Variants in EPB41L5 observed in about 807,000 individuals in gnomAD.
The protein encoded by EPB41L5 is erythrocyte membrane protein band 4.1 like 5.
EPB41L5 carries 55 observed loss-of-function variants against 106.6 expected under a neutral mutation model. The ratio of observed to expected loss-of-function variants is 0.52; its 90% confidence interval spans 0.42 to 0.65. The LOEUF (loss-of-function observed/expected upper bound fraction) is 0.65, where lower values mean the gene tolerates loss of function less well. Among genes scored for constraint, EPB41L5 ranks in the 30% least tolerant of loss-of-function variants. The pLI, the probability that EPB41L5 is intolerant of heterozygous loss-of-function variation, is 0.00. For missense variants in EPB41L5, 871 were observed against 882.1 expected, an observed-to-expected ratio of 0.99 and a Z score of 0.16; for synonymous variants, 297 against 306.7, an observed-to-expected ratio of 0.97 and a Z score of 0.33.
In EPB41L5 at chr2:120,146,799, C is replaced by T. The variant is rs138258679; in HGVS notation, c.1793+510C>T. Reference sequence around the variant, plus strand: ...TTATGGCCATTGACTTTCTTCACCACTGTGAATCTAATGTTCTGTGCTTAG... The same window carrying T: ...TTATGGCCATTGACTTTCTTCACCATTGTGAATCTAATGTTCTGTGCTTAG... On this transcript the variant is annotated intron_variant, in intron 20 of 24. Coordinates refer to ENST00000263713, the MANE Select transcript of EPB41L5 (RefSeq NM_020909.4). 7.8e-4 allele frequency among the ~76,000 whole-genome samples: 119 copies of T among 152,294 alleles called. 1 individual carries two copies. Among genetic ancestry groups the T allele is most frequent in the African/African-American group, 2.8e-3 (115 of 41,554 alleles).
At chr2:120,160,748 T>C in intron 20 of EPB41L5, 133 bp from the exon 21 acceptor site, 1 of 637,966 alleles carries the variant, frequency 1.6e-6, no homozygotes, top group East Asian at 2.6e-5. Context: ...ATTTCCCTGA[T>C]GATTTTGAGC....
chr2:120,111,043 T>C (rs1684709446), intron 16 of EPB41L5, among the ~76,000 whole-genome samples: 1 of 152,210 alleles, frequency 6.6e-6, no homozygotes, highest in Non-Finnish European at 1.5e-5. Context: ...ATTGGTACAA[T>C]ACCACAAACT....
chr2:120,123,769 C>T (rs1685337498), intron 16 of EPB41L5, among the ~76,000 whole-genome samples: 1 of 150,832 alleles, frequency 6.6e-6, no homozygotes, highest in Admixed American at 6.6e-5. Context: ...GTGATTCTCC[C>T]ATCTCAGCCT....
At chr2:120,055,844 G>A (rs1181754180) in intron 3 of EPB41L5, among the ~76,000 whole-genome samples, 1 of 152,052 alleles carries the variant, frequency 6.6e-6, no homozygotes. Context: ...TAGTTTTAAT[G>A]TGTTTTTATG....
intron 17 of EPB41L5, among the ~76,000 whole-genome samples, chr2:120,131,240 A>C (rs1469852345): frequency 6.6e-6 from 1 of 152,188 alleles, no homozygotes; most frequent in Non-Finnish European, 1.5e-5. Flanking sequence ...AAAGATGGCA[A>C]AGTGTTGAGG....
At chr2:120,163,404 C>T (rs1193638033) in intron 21 of EPB41L5, among the ~76,000 whole-genome samples, 1 of 152,096 alleles carries the variant, frequency 6.6e-6, no homozygotes, top group Non-Finnish European at 1.5e-5. Flanking sequence ...CCCTCCCTCA[C>T]AGTAGAGAAT....
rs73952007 is a variant in EPB41L5 at position 120,062,957 on chromosome 2, T to C, written c.286-10221T>C. Among the ~76,000 whole-genome samples the C allele has an allele frequency of 7.7e-3, 1,170 of 152,200 alleles. 12 individuals carry two copies. Among genetic ancestry groups the C allele is most frequent in the African/African-American group, 0.027 (1,110 of 41,528 alleles). ...ATGAACTTTTACTGGGTTCTAAAAA[T>C]GTGTTTAGCTGTTTTAAAATAGAGG... On this transcript the variant is annotated intron_variant, in intron 3 of 24. Transcript: ENST00000263713.
At chr2:120,077,356 T>C in intron 9 of EPB41L5, 40 bp downstream of exon 9, 1 of 1,567,714 alleles carries the variant, frequency 6.4e-7, no homozygotes, top group African/African-American at 1.4e-5. Flanking sequence ...AAATTTATTC[T>C]TTGGAGGTTC....
chr2:120,070,229 A>G (rs1159415149), intron 3 of EPB41L5, among the ~76,000 whole-genome samples: 1 of 152,242 alleles, frequency 6.6e-6, no homozygotes, highest in Non-Finnish European at 1.5e-5. Flanking sequence ...TAGAAAATTT[A>G]GAAGAAATGG....
chr2:120,171,024 T>A (rs1687650210), intron 24 of EPB41L5, among the ~76,000 whole-genome samples: 2 of 152,226 alleles, frequency 1.3e-5, no homozygotes, highest in African/African-American at 2.4e-5. Context: ...TTAAAAATGA[T>A]GACTGGGTCC....
intron 12 of EPB41L5, 52 bp from the exon 13 acceptor site, chr2:120,091,503 G>A (rs1683408525): frequency 3.1e-6 from 4 of 1,278,062 alleles, no homozygotes; most frequent in South Asian, 2.4e-5. Context: ...ATTTGTGTGT[G>A]TTTATTACTG....
At chr2:120,119,814 C>T (rs1205364033) in intron 16 of EPB41L5, among the ~76,000 whole-genome samples, 3 of 152,120 alleles carry the variant, frequency 2.0e-5, no homozygotes, top group Admixed American at 6.5e-5. Flanking sequence ...TAATCAAATA[C>T]GTGTCTATTT....
chr2:120,088,724 GT>G (rs70949384), intron 11 of EPB41L5, among the ~76,000 whole-genome samples: 87,040 of 151,852 alleles, frequency 0.57, 26,910 homozygotes, highest in Middle Eastern at 0.68. Context: ...TGTTATTGGT[GT>G]TTTTTTTCTT....
intron 18 of EPB41L5, among the ~76,000 whole-genome samples, chr2:120,140,496 A>T (rs1021673652): frequency 5.9e-5 from 9 of 151,992 alleles, no homozygotes; most frequent in Non-Finnish European, 7.4e-5. Flanking sequence ...TGTACTACTA[A>T]TAAAGGACAT....
At chr2:120,076,826 T>G (rs1682277205) in intron 7 of EPB41L5, 145 bp from the exon 8 acceptor site, 2 of 658,936 alleles carry the variant, frequency 3.0e-6, no homozygotes, top group Non-Finnish European at 4.8e-6. Context: ...TATGCCAGAT[T>G]TACTTTTGGA....
intron 20 of EPB41L5, among the ~76,000 whole-genome samples, chr2:120,151,602 G>A (rs983026472): frequency 5.0e-5 from 7 of 140,278 alleles, no homozygotes; most frequent in African/African-American, 8.1e-5. Flanking sequence ...GAGCCACTGC[G>A]TCTGGCCCTT....
intron 2 of EPB41L5, 114 bp downstream of exon 2, chr2:120,019,378 T>A (rs1482174871): frequency 2.1e-6 from 2 of 933,540 alleles, no homozygotes; most frequent in Admixed American, 2.6e-5. Context: ...GTATTATGGG[T>A]TAGTATAGAT....
rs70949387 is a variant in EPB41L5, at chr2:120,163,980, C to CT, written c.1888-836dup. On this transcript the variant is annotated intron_variant, in intron 21 of 24. Coordinates refer to ENST00000263713, the MANE Select transcript of EPB41L5 (RefSeq NM_020909.4). ...ACTTTTTTTTATTTTTTTGTATTTA[C>CT]TTTTTTTTTTTTTTTTTTTTGAGAT... is the stretch of plus-strand genomic sequence containing the variant. Among the ~76,000 whole-genome samples the CT allele has an allele frequency of 1.1e-3, 78 of 68,144 alleles. 1 individual carries two copies. The highest frequency in any genetic ancestry group is 0.017 in the Middle Eastern group (1 of 58). The allele number at this position is 68,144 out of a possible 152,430, so 44.7% of individuals were successfully genotyped here.
At chr2:120,133,278 A>G (rs1232233369) in intron 18 of EPB41L5, among the ~76,000 whole-genome samples, 1 of 152,198 alleles carries the variant, frequency 6.6e-6, no homozygotes, top group Non-Finnish European at 1.5e-5. Context: ...ACAAGAAAGC[A>G]CCTTCATAAG....
Sources: allele counts gnomAD v4.1 joint callset (sites outside exome capture counted in the v4.1 genomes callset), GRCh38; gene constraint gnomAD v4.1.1; transcripts MANE v1.5; gene names NCBI Gene and HGNC (gene_info 2026-07-23, HGNC 2026-07-21).